HDAC9: variants seen among roughly 807,000 people sequenced by gnomAD.
HDAC9 encodes histone deacetylase 9, also known as MEF-2 interacting transcription repressor (MITR) protein.
Under a neutral mutation model 139.4 loss-of-function variants are expected in HDAC9, and 41 were observed. The observed-to-expected ratio is 0.29, with a 90% CI of 0.23 to 0.38. HDAC9 has a LOEUF of 0.38. HDAC9 is among the 10% of genes least tolerant of loss of function. HDAC9 has a pLI of 1.00. For missense variants in HDAC9, 1,147 were observed against 1,297.0 expected, an observed-to-expected ratio of 0.88 and a Z score of 1.78; for synonymous variants, 517 against 476.2, an observed-to-expected ratio of 1.09 and a Z score of -1.12.
chr7:18,813,504 C>G (rs1042766107), intron 17 of HDAC9, among the ~76,000 whole-genome samples: 2 of 152,068 alleles, frequency 1.3e-5, no homozygotes, highest in African/African-American at 4.8e-5. Flanking sequence ...AGGACAAAGT[C>G]AAGTGATGAC....
At chr7:18,596,102 T>A (rs1192677941) in intron 6 of HDAC9, among the ~76,000 whole-genome samples, 2 of 152,098 alleles carry the variant, frequency 1.3e-5, no homozygotes, top group African/African-American at 2.4e-5. Context: ...ATTTTTTCTG[T>A]ATTTGATCAG....
At chr7:18,784,507 C>CA (rs1237825316) in intron 16 of HDAC9, among the ~76,000 whole-genome samples, 2 of 150,916 alleles carry the variant, frequency 1.3e-5, no homozygotes, top group East Asian at 1.9e-4. Flanking sequence ...AAACAAAAAA[C>CA]AAAAAACAAA....
intron 25 of HDAC9, among the ~76,000 whole-genome samples, chr7:18,991,418 A>C (rs184799834): frequency 0.012 from 1,821 of 152,322 alleles, 41 homozygotes; most frequent in African/African-American, 0.041. Flanking sequence ...AGGCGGGCAG[A>C]TCACGAGGTC....
chr7:18,424,722 A>T (rs931673035), intron 1 of HDAC9, among the ~76,000 whole-genome samples: 2 of 152,186 alleles, frequency 1.3e-5, no homozygotes, highest in Non-Finnish European at 2.9e-5. Context: ...CAGCCAGGCC[A>T]ACCTGGTGAA....
chr7:18,868,527 G>A (rs1173877732), intron 21 of HDAC9, among the ~76,000 whole-genome samples: 3 of 152,132 alleles, frequency 2.0e-5, no homozygotes, highest in African/African-American at 7.2e-5. Context: ...AGTCCTGCCT[G>A]TTTTCTGTCA....
At chr7:18,378,617 A>G (rs1473334334) in intron 1 of HDAC9, among the ~76,000 whole-genome samples, 2 of 152,100 alleles carry the variant, frequency 1.3e-5, no homozygotes. Context: ...ATATACATAT[A>G]CATATAAATA....
intron 1 of HDAC9, among the ~76,000 whole-genome samples, chr7:18,148,198 T>C (rs1304212649): frequency 6.6e-6 from 1 of 152,226 alleles, no homozygotes; most frequent in Non-Finnish European, 1.5e-5. Flanking sequence ...CTTCGAGTTC[T>C]ATAGATGAGA....
At chr7:18,562,200 G>C (rs528426586) in intron 2 of HDAC9, among the ~76,000 whole-genome samples, 1 of 151,934 alleles carries the variant, frequency 6.6e-6, no homozygotes, top group African/African-American at 2.4e-5. Context: ...TGATTATTGA[G>C]TCGTAAGATT....
intron 1 of HDAC9, among the ~76,000 whole-genome samples, chr7:18,482,743 C>A (rs1489860390): frequency 6.6e-6 from 1 of 152,078 alleles, no homozygotes; most frequent in African/African-American, 2.4e-5. Flanking sequence ...AAAGCATTAC[C>A]AAGGGAGCAT....
intron 1 of HDAC9, among the ~76,000 whole-genome samples, chr7:18,388,672 T>G (rs149787214): frequency 1.3e-5 from 2 of 152,290 alleles, no homozygotes; most frequent in African/African-American, 4.8e-5. Context: ...GCCCCGTGCT[T>G]CTTTCTCTAC....
chr7:18,876,622 G>C (rs911362345), intron 22 of HDAC9, among the ~76,000 whole-genome samples: 1 of 151,958 alleles, frequency 6.6e-6, no homozygotes, highest in Non-Finnish European at 1.5e-5. Context: ...TCCTGAATCA[G>C]TAGTTAGGTG....
At chr7:18,254,688 CAAATA>C (rs1795122145) in intron 2 of HDAC9, among the ~76,000 whole-genome samples, 1 of 152,122 alleles carries the variant, frequency 6.6e-6, no homozygotes, top group Non-Finnish European at 1.5e-5. Context: ...TGTTCTTTAA[CAAATA>C]AAATAAGTGT....
intron 2 of HDAC9, among the ~76,000 whole-genome samples, chr7:18,564,523 C>G (rs1433237245): frequency 6.6e-6 from 1 of 152,010 alleles, no homozygotes; most frequent in Non-Finnish European, 1.5e-5. Context: ...GCAGTCTAAG[C>G]TAAATGAAAA....
At chr7:18,741,553 C>T (rs543526407) in intron 13 of HDAC9, among the ~76,000 whole-genome samples, 1 of 152,210 alleles carries the variant, frequency 6.6e-6, no homozygotes, top group Non-Finnish European at 1.5e-5. Flanking sequence ...CACCCAAGAA[C>T]TCTGATGGAC....
At chr7:18,994,044 T>A (rs1786246284) in intron 25 of HDAC9, among the ~76,000 whole-genome samples, 2 of 152,304 alleles carry the variant, frequency 1.3e-5, no homozygotes, top group African/African-American at 2.4e-5. Context: ...TGGGTTGCAG[T>A]GTAGACAGCC....
At chr7:18,098,503 C>T (rs1026437775) in intron 1 of HDAC9, among the ~76,000 whole-genome samples, 13 of 152,198 alleles carry the variant, frequency 8.5e-5, no homozygotes, top group African/African-American at 3.1e-4. Context: ...CAGACTTCAG[C>T]ATGGAAGCTT....
intron 25 of HDAC9, among the ~76,000 whole-genome samples, chr7:18,993,641 AT>A (rs35714495): frequency 0.58 from 86,848 of 150,700 alleles, 26,975 homozygotes; most frequent in African/African-American, 0.83. Flanking sequence ...ATCTATAATT[AT>A]TTTTTTTTTA....
intron 2 of HDAC9, among the ~76,000 whole-genome samples, chr7:18,575,646 G>A (rs769420620): frequency 1.3e-5 from 2 of 152,170 alleles, no homozygotes; most frequent in Non-Finnish European, 2.9e-5. Context: ...AAATACTTAC[G>A]CAGTGTTGCC....
intron 1 of HDAC9, among the ~76,000 whole-genome samples, chr7:18,320,819 C>T (rs571990894): frequency 2.6e-5 from 4 of 152,228 alleles, no homozygotes; most frequent in African/African-American, 9.6e-5. Context: ...GGGGTAGACC[C>T]TATTTGCTTG....
Sources: gnomAD v4.1 joint callset for allele counts (sites outside exome capture counted in the v4.1 genomes callset) on GRCh38, gnomAD v4.1.1 for gene constraint, MANE v1.5 for transcripts, NCBI Gene and HGNC (gene_info 2026-07-23, HGNC 2026-07-21) for gene names.